The following RHOT2 variants were observed in gnomAD, a reference collection of about 807,000 sequenced individuals.
RHOT2 encodes ras homolog family member T2.
In RHOT2, 90 loss-of-function variants were observed where a neutral mutation model predicts 81.6. The ratio of observed to expected loss-of-function variants is 1.10; its 90% CI spans 0.93 to 1.31. The LOEUF is 1.31. Ranked by LOEUF, RHOT2 falls within the 40% of genes most tolerant of loss-of-function variation. The pLI is 0.00. For synonymous variants in RHOT2, 512 were observed against 370.9 expected (o/e 1.38, Z -4.37); for missense variants, 1,014 against 841.9 (o/e 1.20, Z -2.53).
chr16:669,115 G>A (rs2038448551), intron 4 of RHOT2: 1 of 385,192 alleles, frequency 2.6e-6, no homozygotes, highest in Non-Finnish European at 4.8e-6. Context: ...GGCAGCCCCT[G>A]CTGTTGGCAC....
At chr16:673,343 C>T (rs1473223534) in intron 18 of RHOT2, 137 bp from the exon 19 acceptor site, 13 of 1,379,828 alleles carry the variant, frequency 9.4e-6, no homozygotes, top group African/African-American at 1.4e-5. Context: ...CCTCCAGGGC[C>T]TGGCCTCCAC....
rs1029706383 is a variant in RHOT2 at position 674,164 on chromosome 16, T to G, written c.*558T>G. 1 of 214,666 alleles carries G rather than the reference T, an allele frequency of 4.7e-6. No individual in the cohort carries two copies. The highest frequency in any genetic ancestry group is 9.6e-6 in the Non-Finnish European group (1 of 103,668). 13.3% of individuals were successfully genotyped at this position (214,666 alleles called of 1,614,324 possible). On this transcript the variant is annotated 3_prime_UTR_variant, in exon 19 of 19. Coordinates refer to ENST00000315082, the MANE Select transcript of RHOT2 (RefSeq NM_138769.3). Reference sequence around the variant, plus strand: ...GTCTCTGAAGACAACTTGCTTTGATTCAACCTAGAATGTGTTGTTTGTCTT... The same window carrying G: ...GTCTCTGAAGACAACTTGCTTTGATGCAACCTAGAATGTGTTGTTTGTCTT...
Position 673,765 on chromosome 16 carries a change from CT to C in RHOT2, c.*161del. ...GAAGGCAGTCGATCTGCAGCGGGGC[CT>C]TATGCTGCCATGCACTGCCCTGGCT... On this transcript the variant is annotated 3_prime_UTR_variant, in exon 19 of 19. Coordinates refer to ENST00000315082, the MANE Select transcript of RHOT2 (RefSeq NM_138769.3). 1 of 901,980 alleles carries C rather than the reference CT, an allele frequency of 1.1e-6. No homozygotes were observed. The highest frequency in any genetic ancestry group is 1.6e-6 in the Non-Finnish European group (1 of 609,446). The allele number at this position is 901,980 out of a possible 1,614,324, so 55.9% of individuals were successfully genotyped here.
Position 671,202 on chromosome 16 carries a change from C to G in RHOT2, c.868C>G (p.Leu290Val), listed in dbSNP as rs1017983802. The change falls in exon 11 of 19, where the codon CTG becomes GTG. Residue 290 changes from leucine (L) to valine (V), a missense_variant and splice_region_variant. Physicochemically the swap from Leu to Val is conservative, Grantham distance 32. Transcript: ENST00000315082. The stretch of plus-strand genomic sequence containing the variant: ...GCTGACTGCGGACTATCTCTCCCCT[C>G]TGTGAGTGATGCCGGGGCTTGAGGC... ...LELTADYLSP[L>V]IHVPPGCSTE... 1.3e-6 allele frequency: 2 copies of G among 1,547,344 alleles called. No homozygotes were observed. Among genetic ancestry groups the G allele is most frequent in the African/African-American group, 2.7e-5 (2 of 72,878 alleles).
At position 672,922 on chromosome 16, in the gene RHOT2, C is replaced by T. The variant is rs2039216035; in HGVS notation, c.1528-6C>T. 1.9e-6 allele frequency: 3 copies of T among 1,612,694 alleles called. No homozygotes were observed. The highest frequency in any genetic ancestry group is 2.5e-6 in the Non-Finnish European group (3 of 1,179,994). On this transcript the variant is annotated splice_polypyrimidine_tract_variant and splice_region_variant and intron_variant, in intron 17 of 18. Coordinates refer to ENST00000315082, the MANE Select transcript of RHOT2 (RefSeq NM_138769.3). ...GACTGTACCTCATACCACTCTCTGC[C>T]CACAGCACCATTACATGGACGGGCA...
chr16:669,857 G>C (rs2038616947), intron 5 of RHOT2: 2 of 616,762 alleles, frequency 3.2e-6, no homozygotes, highest in Admixed American at 2.9e-5. Context: ...AACCCCCGGG[G>C]GGGGACCCGC....
chr16:672,779 A>T lies in RHOT2; in HGVS notation c.1481A>T (p.Asp494Val). 6.2e-7 allele frequency: 1 copy of T among 1,612,656 alleles called. No homozygotes were observed. The highest frequency in any genetic ancestry group is 2.2e-5 in the East Asian group (1 of 44,862). Reference sequence around the variant, plus strand: ...TGTGACGTTGCCTGCTTGATGTTTGATGGCAGTGACCCAAAGTCCTTTGCA... The same window carrying T: ...TGTGACGTTGCCTGCTTGATGTTTGTTGGCAGTGACCCAAAGTCCTTTGCA... ...ATCDVACLMF[D>V]GSDPKSFAHC... Residue 494 changes from aspartate to valine, a missense_variant, in exon 17 of 19, where the codon GAT (aspartate) becomes GTT (valine). By Grantham distance (152) the Asp-to-Val change is radical. Transcript: ENST00000315082.
chr16:669,444 C>A (rs1249781611), intron 4 of RHOT2, 109 bp from the exon 5 acceptor site: 4 of 1,073,568 alleles, frequency 3.7e-6, no homozygotes, highest in African/African-American at 1.6e-5. Flanking sequence ...ACCCATGCTA[C>A]CTGTGAGCTT....
Position 671,191 on chromosome 16 carries a change from A to G in RHOT2, c.857A>G (p.Tyr286Cys), listed in dbSNP as rs1303751788. 10 of 1,558,270 alleles carry G rather than the reference A, an allele frequency of 6.4e-6. No homozygotes were observed. Among genetic ancestry groups the G allele is most frequent in the East Asian group, 2.3e-5 (1 of 44,108 alleles). ...GATGCCCTGGAGCTGACTGCGGACT[A>G]TCTCTCCCCTCTGTGAGTGATGCCG... ...YSDALELTAD[Y>C]LSPLIHVPPG... is the part of the protein sequence containing the mutation. The change falls in exon 11 of 19, where the codon TAT (tyrosine) becomes TGT (cysteine). Residue 286 changes from tyrosine (Y) to cysteine (C), a missense_variant. Transcript: ENST00000315082.
Position 671,743 on chromosome 16 carries a change from T to A in RHOT2, c.916T>A (p.Tyr306Asn), listed in dbSNP as rs1161905896. The change falls in exon 12 of 19, where the codon TAC (tyrosine) becomes AAC (asparagine). Residue 306 changes from tyrosine (Y) to asparagine (N), a missense_variant. By Grantham distance (143) the Tyr-to-Asn change is moderately radical. Transcript: ENST00000315082. ...CAGCACGGAGCTCAACCACCTTGGCTACCAGTTTGTGCAGAGAGTGTTTGA... is the reference window on the plus strand; with the variant it reads ...CAGCACGGAGCTCAACCACCTTGGCAACCAGTTTGTGCAGAGAGTGTTTGA... ...GCSTELNHLG[Y>N]QFVQRVFEKH... The A allele has an allele frequency of 1.2e-6, 2 of 1,612,390 alleles. No individual in the cohort carries two copies. Among genetic ancestry groups the A allele is most frequent in the Admixed American group, 1.7e-5 (1 of 59,984 alleles).
chr16:668,603 C>T, intron 3 of RHOT2, 34 bp downstream of exon 3: 1 of 1,609,804 alleles, frequency 6.2e-7, no homozygotes, highest in South Asian at 1.1e-5. Context: ...GCCCGGCCCG[C>T]AGCGGTCCGG....
chr16:673,007 GC>G lies in RHOT2; in HGVS notation c.1610del (p.Pro537HisfsTer79). On this transcript the variant is annotated frameshift_variant, in exon 18 of 19. Coordinates refer to ENST00000315082, the MANE Select transcript of RHOT2 (RefSeq NM_138769.3). LOFTEE classifies it high-confidence loss of function. ...ADLPEGVAVSGPSPAEFCRKH... is the reference protein window; with the variant it reads ...ADLPEGVAVSXPSPAEFCRKH... ...CTGCCCGAAGGTGTCGCGGTGTCTGGCCCATCACCGGCCGAGTTTTGCCGCA... is the reference window on the plus strand; with the variant it reads ...CTGCCCGAAGGTGTCGCGGTGTCTGGCCATCACCGGCCGAGTTTTGCCGCA... The G allele has an allele frequency of 6.2e-7, 1 of 1,612,592 alleles. No individual in the cohort carries two copies. The highest frequency in any genetic ancestry group is 8.5e-7 in the Non-Finnish European group (1 of 1,179,978).
chr16:672,985 C>T lies in RHOT2; in HGVS notation c.1585C>T (p.Pro529Ser), dbSNP rs1369195498. 2 of 1,612,678 alleles carry T rather than the reference C, an allele frequency of 1.2e-6. No homozygotes were observed. Among genetic ancestry groups the T allele is most frequent in the African/African-American group, 1.3e-5 (1 of 74,944 alleles). ...CTTTGTCTCCTCCAAGGCCGACCTG[C>T]CCGAAGGTGTCGCGGTGTCTGGCCC... ...CLFVSSKADL[P>S]EGVAVSGPSP... is the part of the protein sequence containing the mutation. The change falls in exon 18 of 19, where the codon CCC becomes TCC. Residue 529 changes from proline (P) to serine (S), a missense_variant. Transcript: ENST00000315082.
chr16:670,603 G>T, intron 8 of RHOT2, 46 bp downstream of exon 8: 1 of 1,599,438 alleles, frequency 6.3e-7, no homozygotes, highest in Non-Finnish European at 8.5e-7. Flanking sequence ...CAGGGGCCCA[G>T]GGGGTGCTGG....
Position 671,914 on chromosome 16 carries a change from C to G in RHOT2, c.1009C>G (p.Pro337Ala), listed in dbSNP as rs1332134180. The G allele has an allele frequency of 6.2e-7, 1 of 1,610,820 alleles. No individual in the cohort carries two copies. The highest frequency in any genetic ancestry group is 1.1e-5 in the South Asian group (1 of 91,028). Residue 337 changes from proline (P) to alanine (A), a missense_variant, in exon 13 of 19, where the codon CCA (proline) becomes GCA (alanine). Physicochemically the swap from Pro to Ala is conservative, Grantham distance 27. Transcript: ENST00000315082. Reference sequence around the variant, plus strand: ...GCTGCAAAGCCTTTTCAGTGTGTTCCCAGCAGCGCCCTGGGGCCCCGAGCT... The same window carrying G: ...GCTGCAAAGCCTTTTCAGTGTGTTCGCAGCAGCGCCCTGGGGCCCCGAGCT... ...VELQSLFSVF[P>A]AAPWGPELPR...
At chr16:672,851 C>A (rs1392156343) in intron 17 of RHOT2, 26 bp downstream of exon 17, 1 of 1,612,572 alleles carries the variant, frequency 6.2e-7, no homozygotes, top group Non-Finnish European at 8.5e-7. Flanking sequence ...GGCCACGTGG[C>A]CATGGGGCAG....
At chr16:671,608 G>A in intron 11 of RHOT2, 89 bp from the exon 12 acceptor site, 1 of 1,418,788 alleles carries the variant, frequency 7.0e-7, no homozygotes, top group Non-Finnish European at 9.8e-7. Context: ...GGGTCCGGCT[G>A]CACCGATGGG....
intron 16 of RHOT2, 33 bp from the exon 17 acceptor site, chr16:672,670 A>T (rs2039169117): frequency 1.2e-6 from 2 of 1,611,602 alleles, no homozygotes; most frequent in African/African-American, 2.7e-5. Context: ...ACCGAGCCCC[A>T]GGGACCCTTC....
Position 668,720 on chromosome 16 carries a change from G to A in RHOT2, c.222+21G>A. ...ACAAGGTACCCGTGGTGCGCGGGAC[G>A]AGGGAGGGGCTGGGCGCGGGCTCGG... On this transcript the variant is annotated intron_variant, in intron 4 of 18. Coordinates refer to ENST00000315082, the MANE Select transcript of RHOT2 (RefSeq NM_138769.3). The A allele has an allele frequency of 2.5e-6, 4 of 1,582,160 alleles. No individual in the cohort carries two copies. In the East Asian group the frequency reaches 9.4e-5, roughly 37 times the overall value.
Sources: gnomAD v4.1 joint callset for allele counts on GRCh38, gnomAD v4.1.1 for gene constraint, MANE v1.5 for transcripts, NCBI Gene and HGNC (gene_info 2026-07-23, HGNC 2026-07-21) for gene names.